Variants in KBTBD3 observed in about 807,000 individuals in gnomAD.
KBTBD3 encodes the protein kelch repeat and BTB domain-containing protein 3.
Under a neutral mutation model 49.6 loss-of-function variants are expected in KBTBD3, and 38 were observed. The observed-to-expected ratio is 0.77, with a 90% CI of 0.59 to 1.00. KBTBD3 has a LOEUF of 1.00. Ranked by LOEUF, KBTBD3 falls within the 50% of genes least tolerant of loss-of-function variation. KBTBD3 has a pLI of 0.00. For missense variants in KBTBD3, 661 were observed against 712.0 expected (o/e 0.93, Z 0.81); for synonymous variants, 214 against 250.4 (o/e 0.85, Z 1.37).
intron 2 of KBTBD3, among the ~76,000 whole-genome samples, chr11:106,064,897 G>A (rs1250452212): frequency 1.3e-5 from 2 of 152,176 alleles, no homozygotes; most frequent in Admixed American, 6.5e-5. Flanking sequence ...TAAAAGATAT[G>A]TATTTAAATC....
intron 2 of KBTBD3, among the ~76,000 whole-genome samples, chr11:106,067,678 C>T (rs899297595): frequency 6.7e-6 from 1 of 149,694 alleles, no homozygotes; most frequent in African/African-American, 2.4e-5. Context: ...AAATTAAATT[C>T]TAAAAAAAGT....
At chr11:106,077,166 C>T (rs1861048744) in intron 1 of KBTBD3, 146 bp downstream of exon 1, 1 of 157,334 alleles carries the variant, frequency 6.4e-6, no homozygotes, top group Non-Finnish European at 1.4e-5. Context: ...CAGACCCCCT[C>T]CTAGAGATGG....
chr11:106,065,465 G>C (rs972310369), intron 2 of KBTBD3, among the ~76,000 whole-genome samples: 1 of 152,176 alleles, frequency 6.6e-6, no homozygotes, highest in Admixed American at 6.5e-5. Context: ...AATTCACATG[G>C]AACAGTGAGA....
intron 3 of KBTBD3, among the ~76,000 whole-genome samples, chr11:106,055,831 A>C (rs1289709588): frequency 1.3e-5 from 2 of 152,228 alleles, no homozygotes; most frequent in African/African-American, 4.8e-5. Flanking sequence ...TTATTTTAAA[A>C]AATGTTTTCT....
chr11:106,059,587 T>G (rs994045654), intron 2 of KBTBD3, among the ~76,000 whole-genome samples: 1 of 152,224 alleles, frequency 6.6e-6, no homozygotes, highest in East Asian at 1.9e-4. Context: ...TTTTACAAGA[T>G]AATTGGTTGA....
chr11:106,068,725 G>A (rs1402920078), intron 2 of KBTBD3, among the ~76,000 whole-genome samples: 2 of 96,574 alleles, frequency 2.1e-5, no homozygotes, highest in African/African-American at 5.1e-5. Context: ...AGACAAAGAC[G>A]GTACCCAAAA....
At chr11:106,070,062 C>CA (rs974947227) in intron 2 of KBTBD3, among the ~76,000 whole-genome samples, 3 of 151,678 alleles carry the variant, frequency 2.0e-5, no homozygotes, top group African/African-American at 4.8e-5. Context: ...CCACAGGCAA[C>CA]AAAAAAATGA....
chr11:106,067,035 T>C (rs1860822475), intron 2 of KBTBD3, among the ~76,000 whole-genome samples: 1 of 152,172 alleles, frequency 6.6e-6, no homozygotes, highest in Non-Finnish European at 1.5e-5. Flanking sequence ...GCTGCAACCC[T>C]GATACACCAG....
At chr11:106,073,424 T>TA (rs1417956332) in intron 2 of KBTBD3, among the ~76,000 whole-genome samples, 1 of 151,996 alleles carries the variant, frequency 6.6e-6, no homozygotes, top group Non-Finnish European at 1.5e-5. Context: ...GTTTTACACA[T>TA]ACTCTTTTAA....
intron 2 of KBTBD3, among the ~76,000 whole-genome samples, chr11:106,062,979 T>A (rs759910557): frequency 1.8e-4 from 27 of 152,262 alleles, no homozygotes; most frequent in Admixed American, 3.3e-4. Context: ...ATGCATGTTT[T>A]CTCTTCTTTT....
At chr11:106,073,258 C>CTTTTTTTTT (rs374062847) in intron 2 of KBTBD3, among the ~76,000 whole-genome samples, 6 of 113,104 alleles carry the variant, frequency 5.3e-5, no homozygotes, top group Admixed American at 3.1e-4. Context: ...GCACACTCAG[C>CTTTTTTTTT]TTTTTTTTTT....
Position 106,054,205 on chromosome 11 carries a change from C to G in KBTBD3, c.484G>C (p.Asp162His), listed in dbSNP as rs780523377. The change falls in exon 4 of 4, where the codon GAT becomes CAT. Residue 162 changes from aspartate to histidine, a missense_variant. Physicochemically the swap from Asp to His is moderately conservative, Grantham distance 81. Coordinates refer to ENST00000531837, the MANE Select transcript of KBTBD3 (RefSeq NM_198439.3). The stretch of plus-strand genomic sequence containing the variant: ...AACAAACTGGTGGAGCCATAGCTAT[C>G]TGATATAGATAATAACTGTAAACAA... ...VNCLQLLSISDSYGSTSLFDH... is the reference protein window; with the variant it reads ...VNCLQLLSISHSYGSTSLFDH... The G allele has an allele frequency of 2.5e-6, 4 of 1,612,716 alleles. No homozygotes were observed. The highest frequency in any genetic ancestry group is 1.3e-5 in the African/African-American group (1 of 74,966).
chr11:106,061,243 C>T (rs1250635073), intron 2 of KBTBD3, among the ~76,000 whole-genome samples: 1 of 152,174 alleles, frequency 6.6e-6, no homozygotes, highest in Admixed American at 6.5e-5. Context: ...AGAAGTAGTC[C>T]AAATTGTCCT....
Position 106,053,545 on chromosome 11 carries a change from C to T in KBTBD3, c.1144G>A (p.Asp382Asn). 1 of 1,613,720 alleles carries T rather than the reference C, an allele frequency of 6.2e-7. No homozygotes were observed. Among genetic ancestry groups the T allele is most frequent in the Non-Finnish European group, 8.5e-7 (1 of 1,179,862 alleles). Residue 382 changes from aspartate (D) to asparagine (N), a missense_variant, in exon 4 of 4, where the codon GAT becomes AAT. Asp to Asn is a conservative substitution (Grantham distance 23, BLOSUM62 1). Coordinates refer to ENST00000531837, the MANE Select transcript of KBTBD3 (RefSeq NM_198439.3). ...QTWCYCPVKN[D>N]FFLVSTMKTP... The stretch of plus-strand genomic sequence containing the variant: ...TTCATAGTTGATACCAAGAAGAAAT[C>T]ATTTTTCACTGGACAGTAGCACCAG...
In KBTBD3 at chr11:106,053,745, T is replaced by C. The variant is rs1860485227; in HGVS notation, c.944A>G (p.Asn315Ser). 4 of 1,613,624 alleles carry C rather than the reference T, an allele frequency of 2.5e-6. 1 individual carries two copies. The Admixed American group carries it at 6.7e-5, about 27-fold the overall frequency. The change falls in exon 4 of 4, where the codon AAC becomes AGC. Residue 315 changes from asparagine (N) to serine (S), a missense_variant. Physicochemically the swap from Asn to Ser is conservative, Grantham distance 46. Transcript: ENST00000531837. ...NGENQYTFCYNIKSDSWKILP... is the reference protein window; with the variant it reads ...NGENQYTFCYSIKSDSWKILP... ...TATTTTCCATGAATCAGATTTAATG[T>C]TATAGCAAAATGTATATTGATTTTC...
At chr11:106,073,905 A>T (rs903468502) in intron 2 of KBTBD3, among the ~76,000 whole-genome samples, 25 of 152,202 alleles carry the variant, frequency 1.6e-4, no homozygotes, top group Non-Finnish European at 3.4e-4. Context: ...TCATTTTTTT[A>T]AAAAATATTT....
intron 2 of KBTBD3, among the ~76,000 whole-genome samples, chr11:106,067,331 T>C (rs1860828887): frequency 6.6e-6 from 1 of 152,150 alleles, no homozygotes. Context: ...AGGCCAGGCA[T>C]GGTGGCTCAC....
At position 106,053,860 on chromosome 11, in the gene KBTBD3, A is replaced by G; in HGVS notation, c.829T>C (p.Cys277Arg). The G allele has an allele frequency of 1.2e-6, 2 of 1,614,022 alleles. No homozygotes were observed. The highest frequency in any genetic ancestry group is 2.2e-5 in the South Asian group (2 of 91,078). Residue 277 changes from cysteine to arginine, a missense_variant, in exon 4 of 4, where the codon TGT becomes CGT. Physicochemically the swap from Cys to Arg is radical, Grantham distance 180. Coordinates refer to ENST00000531837, the MANE Select transcript of KBTBD3 (RefSeq NM_198439.3). ...CFDIIMDAIKCVQGSGGLFPD... is the reference protein window; with the variant it reads ...CFDIIMDAIKRVQGSGGLFPD... ...AAGAGTCCACCAGAACCTTGCACAC[A>G]CTTAATTGCATCCATGATTATGTCA...
chr11:106,052,822 TACTAGA>T lies in KBTBD3; in HGVS notation c.*22_*27del, dbSNP rs758120598. The T allele has an allele frequency of 1.5e-5, 23 of 1,562,518 alleles. No homozygotes were observed. The highest frequency in any genetic ancestry group is 1.8e-5 in the Non-Finnish European group (21 of 1,153,302). On this transcript the variant is annotated 3_prime_UTR_variant, in exon 4 of 4. Coordinates refer to ENST00000531837, the MANE Select transcript of KBTBD3 (RefSeq NM_198439.3). The stretch of plus-strand genomic sequence containing the variant: ...TTTGGTTAACAAATTTACTTTAGGT[TACTAGA>T]ACTGGACTCGTTTTAGAATGTTCAA...
Sources: gnomAD v4.1 joint callset for allele counts (sites outside exome capture counted in the v4.1 genomes callset) on GRCh38, gnomAD v4.1.1 for gene constraint, MANE v1.5 for transcripts, NCBI Gene and HGNC (gene_info 2026-07-23, HGNC 2026-07-21) for gene names.